FUT8: variants seen among roughly 807,000 people sequenced by gnomAD.
The protein encoded by FUT8 is alpha-(1,6)-fucosyltransferase.
A neutral mutation model predicts 71.3 loss-of-function variants in FUT8; 29 were observed. The ratio of observed to expected loss-of-function variants is 0.41; its 90% confidence interval spans 0.30 to 0.55. FUT8 has a LOEUF of 0.55. Among genes scored for constraint, FUT8 ranks in the 20% least tolerant of loss-of-function variants. The probability of loss-of-function intolerance (pLI) is 0.34; values close to 1 mark genes in which losing one functional copy is unlikely to be tolerated. For synonymous variants in FUT8, 254 were observed against 239.3 expected, an observed-to-expected ratio of 1.06 and a Z score of -0.57; for missense variants, 544 against 702.1, an observed-to-expected ratio of 0.77 and a Z score of 2.55.
chr14:65,449,675 T>C (rs1442027731), intron 1 of FUT8, among the ~76,000 whole-genome samples: 1 of 152,188 alleles, frequency 6.6e-6, no homozygotes, highest in African/African-American at 2.4e-5. Flanking sequence ...CCCCATACTA[T>C]ATTTAGGTTG....
intron 3 of FUT8, among the ~76,000 whole-genome samples, chr14:65,571,403 T>G (rs1886469635): frequency 6.6e-6 from 1 of 152,068 alleles, no homozygotes; most frequent in Non-Finnish European, 1.5e-5. Context: ...AAGTAAAAAT[T>G]TCTCCATGCA....
At chr14:65,556,126 A>C (rs1885575530) in intron 2 of FUT8, among the ~76,000 whole-genome samples, 1 of 152,202 alleles carries the variant, frequency 6.6e-6, no homozygotes. Context: ...ATATGTATTA[A>C]TTATTTATTG....
At chr14:65,526,271 T>C (rs866396186) in intron 2 of FUT8, among the ~76,000 whole-genome samples, 62 of 152,208 alleles carry the variant, frequency 4.1e-4, no homozygotes, top group Admixed American at 3.7e-3. Context: ...ATATATTTAG[T>C]ATAGTTAGCT....
chr14:65,691,187 C>T (rs1324330858), intron 7 of FUT8, among the ~76,000 whole-genome samples: 2 of 151,172 alleles, frequency 1.3e-5, no homozygotes, highest in Non-Finnish European at 2.9e-5. Context: ...CATCTGTGAA[C>T]AAAGATAGTT....
At position 65,483,729 on chromosome 14, in the gene FUT8, T is replaced by A. The variant is rs1209125415; in HGVS notation, c.-228+28011T>A. On this transcript the variant is annotated intron_variant, in intron 2 of 10. Transcript: ENST00000673929. The surrounding 1 kb of genome is among the most constrained non-coding windows in gnomAD (Gnocchi z 4.4). ...ATTTAAATAACATATCAATTTTTTTTTTTTGAGACAGAGTTATTGGCCAAG... is the reference window on the plus strand; with the variant it reads ...ATTTAAATAACATATCAATTTTTTTATTTTGAGACAGAGTTATTGGCCAAG... 6.6e-6 allele frequency among the ~76,000 whole-genome samples: 1 copy of A among 152,164 alleles called. No individual in the cohort carries two copies. Among genetic ancestry groups the A allele is most frequent in the Non-Finnish European group, 1.5e-5 (1 of 68,036 alleles).
rs12896663 is a variant in FUT8 at position 65,638,251 on chromosome 14, G to A, written c.597+8645G>A. Among the ~76,000 whole-genome samples the A allele has an allele frequency of 0.35, 53,916 of 151,898 alleles. 11,888 individuals are homozygous for A. Among genetic ancestry groups the A allele is most frequent in the Non-Finnish European group, 0.5 (33,791 of 67,948 alleles). On this transcript the variant is annotated intron_variant, in intron 6 of 10. Transcript: ENST00000673929. This position sits in a 1 kb window ranked among gnomAD's most constrained non-coding sequence, Gnocchi z 4.5. ...TAACTGCCTCCTCTCTCACTGTGTT[G>A]CCCAGGCTGGTCTCAAACTTCTGAG...
rs150258617 is a variant in FUT8 at position 65,427,486 on chromosome 14, G to A, written c.-326+14272G>A. On this transcript the variant is annotated intron_variant, in intron 1 of 10. Transcript: ENST00000673929. ...TGAATAGCCATTCTAACAGGCGTGA[G>A]GTGATACAGAATTGTGGTTTTGATT... is the stretch of plus-strand genomic sequence containing the variant. 3.9e-4 allele frequency among the ~76,000 whole-genome samples: 59 copies of A among 152,254 alleles called. No individual in the cohort carries two copies. The East Asian group carries it at 0.011, about 28-fold the overall frequency.
rs148269741 is a variant in FUT8, at chr14:65,489,105, G to T, written c.-228+33387G>T. 1.3e-5 allele frequency among the ~76,000 whole-genome samples: 2 copies of T among 152,236 alleles called. No homozygotes were observed. The highest frequency in any genetic ancestry group is 2.4e-5 in the African/African-American group (1 of 41,562). On this transcript the variant is annotated intron_variant, in intron 2 of 10. Transcript: ENST00000673929. This position sits in a 1 kb window ranked among gnomAD's most constrained non-coding sequence, Gnocchi z 4.0. ...TTAAGTATTTTTCCATCAATGATTAGAAAGTTATGATTTTTTGTTGTTCAG... is the reference window on the plus strand; with the variant it reads ...TTAAGTATTTTTCCATCAATGATTATAAAGTTATGATTTTTTGTTGTTCAG...
chr14:65,491,577 T>G (rs1483577980), intron 2 of FUT8, among the ~76,000 whole-genome samples: 3 of 152,020 alleles, frequency 2.0e-5, no homozygotes, highest in Non-Finnish European at 2.9e-5. Flanking sequence ...ATAAAACACA[T>G]TCATTAAGGC....
chr14:65,721,099 G>GAA (rs1489471227), intron 7 of FUT8, among the ~76,000 whole-genome samples: 1 of 151,920 alleles, frequency 6.6e-6, no homozygotes, highest in Non-Finnish European at 1.5e-5. Context: ...TTAAAATCAG[G>GAA]TACTGTGATC....
rs1491157190 is a variant in FUT8, at chr14:65,602,339, T to TCA, written c.204-13638_204-13637insAC. The stretch of plus-strand genomic sequence containing the variant: ...ATTTTCATGGCCGAGTAGCGTTCCA[T>TCA]CTCTCACACACACACACACACACAC... On this transcript the variant is annotated intron_variant, in intron 3 of 10. Transcript: ENST00000673929. Among the ~76,000 whole-genome samples, 119 of 88,264 alleles carry TCA rather than the reference T, an allele frequency of 1.3e-3. 10 individuals are homozygous for TCA. Among genetic ancestry groups the TCA allele is most frequent in the African/African-American group, 2.5e-3 (48 of 18,878 alleles). 57.9% of individuals were successfully genotyped at this position (88,264 alleles called of 152,430 possible). A position where few individuals can be genotyped will look rare whatever the true frequency, so the allele number is the denominator to read the frequency against.
intron 3 of FUT8, among the ~76,000 whole-genome samples, chr14:65,604,801 TA>T (rs1193843489): frequency 4.6e-5 from 7 of 151,832 alleles, no homozygotes; most frequent in African/African-American, 1.7e-4. Flanking sequence ...ATACAAAAGA[TA>T]AATGAAGTAT....
In FUT8 at chr14:65,656,819, A is replaced by G. The variant is rs148115821; in HGVS notation, c.598-12424A>G. On this transcript the variant is annotated intron_variant, in intron 6 of 10. Transcript: ENST00000673929. ...GTACCGGCATATAGACCATAGACCA[A>G]TGGAACAGGTGGAGAACCCAGAAAC... is the stretch of plus-strand genomic sequence containing the variant. Among the ~76,000 whole-genome samples, 1,092 of 152,312 alleles carry G rather than the reference A, an allele frequency of 7.2e-3. 12 individuals are homozygous for G. Among genetic ancestry groups the G allele is most frequent in the African/African-American group, 0.025 (1,047 of 41,562 alleles).
intron 10 of FUT8, among the ~76,000 whole-genome samples, chr14:65,741,743 G>A (rs560548933): frequency 3.9e-5 from 6 of 152,012 alleles, no homozygotes; most frequent in African/African-American, 1.2e-4. Flanking sequence ...ACTCATTTTG[G>A]TATCATGAGT....
chr14:65,530,218 T>C (rs1423639028), intron 2 of FUT8, among the ~76,000 whole-genome samples: 1 of 152,188 alleles, frequency 6.6e-6, no homozygotes. Context: ...TAGATTCTAT[T>C]AGGGTTTCAC....
intron 1 of FUT8, among the ~76,000 whole-genome samples, chr14:65,431,900 T>C (rs189695909): frequency 1.8e-4 from 27 of 152,294 alleles, no homozygotes; most frequent in African/African-American, 6.0e-4. Context: ...ATTTAATGGC[T>C]TAAACAAAAA....
At position 65,602,341 on chromosome 14, in the gene FUT8, T is replaced by TCA. The variant is rs1279690439; in HGVS notation, c.204-13636_204-13635insAC. ...TTTCATGGCCGAGTAGCGTTCCATCTCTCACACACACACACACACACACAC... is the reference window on the plus strand; with the variant it reads ...TTTCATGGCCGAGTAGCGTTCCATCTCACTCACACACACACACACACACACAC... On this transcript the variant is annotated intron_variant, in intron 3 of 10. Coordinates refer to ENST00000673929, the MANE Select transcript of FUT8 (RefSeq NM_001371533.1). Among the ~76,000 whole-genome samples the TCA allele has an allele frequency of 3.3e-3, 167 of 50,060 alleles. 8 individuals are homozygous for TCA. Among genetic ancestry groups the TCA allele is most frequent in the Non-Finnish European group, 5.8e-3 (112 of 19,280 alleles). 32.8% of individuals were successfully genotyped at this position (50,060 alleles called of 152,430 possible).
intron 2 of FUT8, among the ~76,000 whole-genome samples, chr14:65,466,568 G>A (rs2066047237): frequency 6.6e-6 from 1 of 152,118 alleles, no homozygotes; most frequent in African/African-American, 2.4e-5. Flanking sequence ...TGGCCAACAT[G>A]GTGAAACCCT....
chr14:65,721,626 G>A lies in FUT8; in HGVS notation c.836-149G>A, dbSNP rs558038551. 3.2e-5 allele frequency: 26 copies of A among 808,964 alleles called. 1 individual carries two copies. The highest frequency in any genetic ancestry group is 1.0e-4 in the South Asian group (6 of 58,686). The allele number at this position is 808,964 out of a possible 1,614,324, so 50.1% of individuals were successfully genotyped here. A position where few individuals can be genotyped will look rare whatever the true frequency, so the allele number is the denominator to read the frequency against. ...TCCGTCACTTTTGCTCTGGTATTTC[G>A]AGCAAGTTATTTAACTTCCTTTGTA... On this transcript the variant is annotated intron_variant, in intron 7 of 10. Transcript: ENST00000673929.
Sources: gnomAD v4.1 joint callset for allele counts (sites outside exome capture counted in the v4.1 genomes callset) on GRCh38, gnomAD v4.1.1 for gene constraint, Gnocchi (gnomAD v3.1) non-coding constraint, MANE v1.5 for transcripts, NCBI Gene and HGNC (gene_info 2026-07-23, HGNC 2026-07-21) for gene names.